GDPD5: variants seen among roughly 807,000 people sequenced by gnomAD.
GDPD5 encodes glycerophosphodiester phosphodiesterase domain containing 5.
GDPD5 carries 48 observed loss-of-function variants against 75.1 expected under a neutral mutation model. The ratio of observed to expected loss-of-function variants is 0.64; its 90% CI spans 0.51 to 0.81. The LOEUF (loss-of-function observed/expected upper bound fraction) is 0.81, where lower values mean the gene tolerates loss of function less well. Among genes scored for constraint, GDPD5 ranks in the 40% least tolerant of loss-of-function variants. The pLI, the probability that GDPD5 is intolerant of heterozygous loss-of-function variation, is 0.00. For missense variants in GDPD5, 706 were observed against 822.6 expected, an observed-to-expected ratio of 0.86 and a Z score of 1.73; for synonymous variants, 336 against 339.0, an observed-to-expected ratio of 0.99 and a Z score of 0.10.
chr11:75,505,880 C>T (rs1253597336), intron 1 of GDPD5, among the ~76,000 whole-genome samples: 1 of 152,210 alleles, frequency 6.6e-6, no homozygotes, highest in Admixed American at 6.5e-5. Context: ...TCACTGCAGT[C>T]AGAGAGACAA....
rs1950027823 is a variant in GDPD5 at position 75,486,747 on chromosome 11, A to G, written c.-61+3490T>C. ...CCAGGAAGCCCTTCCTGACTGGGTC[A>G]CTATCTCTTCTGGATCCCACAAATC... On this transcript the variant is annotated intron_variant, in intron 2 of 16. Transcript: ENST00000336898. Among the ~76,000 whole-genome samples the G allele has an allele frequency of 2.0e-5, 3 of 152,180 alleles. No individual in the cohort carries two copies. In the South Asian group the frequency reaches 6.2e-4, roughly 32 times the overall value.
chr11:75,502,275 C>G (rs1167348277), intron 1 of GDPD5, among the ~76,000 whole-genome samples: 2 of 152,232 alleles, frequency 1.3e-5, no homozygotes, highest in Non-Finnish European at 2.9e-5. Flanking sequence ...TTAATTTCTT[C>G]TGTGTAGAAT....
intron 6 of GDPD5, 92 bp downstream of exon 6, chr11:75,456,664 CA>C: frequency 8.2e-7 from 1 of 1,224,868 alleles, no homozygotes; most frequent in Non-Finnish European, 1.2e-6. Context: ...AACGGTGATC[CA>C]GGGGAGGGAC....
intron 6 of GDPD5, chr11:75,455,173 C>A: frequency 1.5e-5 from 6 of 395,618 alleles, no homozygotes; most frequent in Non-Finnish European, 2.5e-5. Flanking sequence ...CTATAGGCCT[C>A]TCCACTAGAA....
intron 1 of GDPD5, among the ~76,000 whole-genome samples, chr11:75,517,964 T>C (rs1028729681): frequency 6.6e-6 from 1 of 152,184 alleles, no homozygotes; most frequent in Non-Finnish European, 1.5e-5. Context: ...AAAGCAAAAC[T>C]GAGCAAAACA....
chr11:75,472,354 G>A (rs570336976), intron 3 of GDPD5, among the ~76,000 whole-genome samples: 5 of 152,206 alleles, frequency 3.3e-5, no homozygotes, highest in Non-Finnish European at 7.3e-5. Context: ...AGCCTGCCCT[G>A]ATTTCCTGAG....
intron 2 of GDPD5, among the ~76,000 whole-genome samples, chr11:75,482,493 C>T (rs886162647): frequency 6.6e-6 from 1 of 152,172 alleles, no homozygotes; most frequent in Non-Finnish European, 1.5e-5. Flanking sequence ...AGCCACACTG[C>T]CCTCTACCAC....
intron 2 of GDPD5, 38 bp from the exon 3 acceptor site, chr11:75,477,833 G>C: frequency 1.3e-6 from 1 of 771,624 alleles, no homozygotes; most frequent in East Asian, 2.7e-5. Context: ...GCAGGGGAAG[G>C]GTGAGGAGTC....
intron 1 of GDPD5, among the ~76,000 whole-genome samples, chr11:75,494,095 C>T (rs1361684856): frequency 6.6e-6 from 1 of 151,520 alleles, no homozygotes; most frequent in Non-Finnish European, 1.5e-5. Context: ...AAAATCTGAT[C>T]TTCATTAATT....
At chr11:75,459,597 C>T (rs1407266464) in intron 4 of GDPD5, among the ~76,000 whole-genome samples, 1 of 152,044 alleles carries the variant, frequency 6.6e-6, no homozygotes, top group Non-Finnish European at 1.5e-5. Flanking sequence ...CTGAGGCGGG[C>T]AGATCACGAG....
rs746967658 is a variant in GDPD5 at position 75,443,221 on chromosome 11, T to A, written c.863A>T (p.Glu288Val). 11 of 1,607,898 alleles carry A rather than the reference T, an allele frequency of 6.8e-6. No individual in the cohort carries two copies. Among genetic ancestry groups the A allele is most frequent in the Non-Finnish European group, 8.5e-6 (10 of 1,177,844 alleles). ...TLRRTTNVEE[E>V]FPELARRPAS... ...AGGCCTGCGGGCCAGCTCCGGGAAC[T>A]CCTCCTCCACGTTGGTGGTGCGCCG... is the stretch of plus-strand genomic sequence containing the variant. The change falls in exon 11 of 17, where the codon GAG (glutamate) becomes GTG (valine). Residue 288 changes from glutamate (E) to valine (V), a missense_variant. Glu to Val is a moderately radical substitution (Grantham distance 121). Transcript: ENST00000336898.
intron 9 of GDPD5, among the ~76,000 whole-genome samples, chr11:75,445,720 C>T (rs1264542992): frequency 6.6e-6 from 1 of 152,218 alleles, no homozygotes; most frequent in African/African-American, 2.4e-5. Flanking sequence ...CCAGCCACTC[C>T]CCTCTTTTGT....
At chr11:75,497,044 A>C (rs1174117346) in intron 1 of GDPD5, among the ~76,000 whole-genome samples, 1 of 151,912 alleles carries the variant, frequency 6.6e-6, no homozygotes, top group African/African-American at 2.4e-5. Flanking sequence ...TGGCCTCCCA[A>C]AGTGCTAGGA....
chr11:75,441,444 C>G lies in GDPD5; in HGVS notation c.1326-134G>C, dbSNP rs1186875560. The G allele has an allele frequency of 6.9e-5, 88 of 1,270,956 alleles. No homozygotes were observed. The Admixed American group carries it at 1.7e-3, about 24-fold the overall frequency. The allele number at this position is 1,270,956 out of a possible 1,614,324, so 78.7% of individuals were successfully genotyped here. On this transcript the variant is annotated intron_variant, in intron 13 of 16. Transcript: ENST00000336898. Reference sequence around the variant, plus strand: ...GCAAGGAACATTGGCTCCAGAGGGCCAAGCTCCGGGACAAGCCCGGGTCTG... The same window carrying G: ...GCAAGGAACATTGGCTCCAGAGGGCGAAGCTCCGGGACAAGCCCGGGTCTG...
chr11:75,477,217 G>A (rs546279253), intron 3 of GDPD5, among the ~76,000 whole-genome samples: 1 of 152,256 alleles, frequency 6.6e-6, no homozygotes, highest in Non-Finnish European at 1.5e-5. Flanking sequence ...GCCAGACCGT[G>A]GCCCTGCCAG....
chr11:75,467,418 A>G (rs756661605), intron 3 of GDPD5, among the ~76,000 whole-genome samples: 3 of 152,158 alleles, frequency 2.0e-5, no homozygotes, highest in Non-Finnish European at 4.4e-5. Flanking sequence ...CGCCGGGCAC[A>G]AGGTGGTGGT....
At chr11:75,525,119 C>T (rs1941618463) in intron 1 of GDPD5, 91 bp downstream of exon 1, 1 of 152,476 alleles carries the variant, frequency 6.6e-6, no homozygotes, top group African/African-American at 2.4e-5. Context: ...GTTCCAGCCT[C>T]TGCTTGTTTC....
intron 4 of GDPD5, among the ~76,000 whole-genome samples, chr11:75,458,702 T>TAAATA: frequency 6.6e-6 from 1 of 150,962 alleles, no homozygotes; most frequent in Non-Finnish European, 1.5e-5. Flanking sequence ...ATAAATAAAA[T>TAAATA]AAATAAATAA....
intron 4 of GDPD5, among the ~76,000 whole-genome samples, chr11:75,458,680 A>ATAAATAAATAAG (rs1222664019): frequency 6.6e-6 from 1 of 151,458 alleles, no homozygotes; most frequent in East Asian, 1.9e-4. Flanking sequence ...TCAAAAATAA[A>ATAAATAAATAAG]TAAATAAATA....
Sources: allele counts gnomAD v4.1 joint callset (sites outside exome capture counted in the v4.1 genomes callset), GRCh38; gene constraint gnomAD v4.1.1; transcripts MANE v1.5; gene names NCBI Gene and HGNC (gene_info 2026-07-23, HGNC 2026-07-21).